Variants in B4GALNT2 observed in about 807,000 individuals in gnomAD.
B4GALNT2 encodes beta-1,4-N-acetyl-galactosaminyltransferase 2 (SID blood group).
Under a neutral mutation model 51.1 loss-of-function variants are expected in B4GALNT2, and 42 were observed. The ratio of observed to expected loss-of-function variants is 0.82; its 90% CI spans 0.64 to 1.06. The LOEUF is 1.06. Ranked by LOEUF, B4GALNT2 falls within the 50% of genes least tolerant of loss-of-function variation. The pLI is 0.00. For synonymous variants in B4GALNT2, 253 were observed against 251.7 expected (o/e 1.01, Z -0.05); for missense variants, 602 against 633.6 (o/e 0.95, Z 0.54).
chr17:49,155,070 G>A (rs73336394), intron 4 of B4GALNT2, among the ~76,000 whole-genome samples: 28,358 of 151,752 alleles, frequency 0.19, 3,227 homozygotes, highest in African/African-American at 0.3. Flanking sequence ...ACCACTTTGG[G>A]GGCTGAGGCG....
At chr17:49,155,956 T>C (rs2144317606) in intron 4 of B4GALNT2, among the ~76,000 whole-genome samples, 1 of 152,190 alleles carries the variant, frequency 6.6e-6, no homozygotes. Flanking sequence ...CTCGATCTCC[T>C]GACCTCGTGA....
At position 49,145,597 on chromosome 17, in the gene B4GALNT2, G is replaced by GT. The variant is rs896435082; in HGVS notation, c.353+3433dup. Among the ~76,000 whole-genome samples the GT allele has an allele frequency of 3.9e-5, 6 of 152,026 alleles. No individual in the cohort carries two copies. In the South Asian group the frequency reaches 1.0e-3, roughly 26 times the overall value. ...TTCAGCAAGCACCTCAGCAGGTAAT[G>GT]TTTTTTTTCCTGGTGGAGTGACCCA... is the stretch of plus-strand genomic sequence containing the variant. On this transcript the variant is annotated intron_variant, in intron 3 of 10. Transcript: ENST00000393354.
rs2042941326 is a variant in B4GALNT2, at chr17:49,169,509, C to T, written c.1316-14C>T. 6.2e-7 allele frequency: 1 copy of T among 1,607,636 alleles called. No homozygotes were observed. The highest frequency in any genetic ancestry group is 1.1e-5 in the South Asian group (1 of 90,964). ...CGCAGCTCCCACTTCCTTCTGCTCT[C>T]CCTCTCTTTGCAGAATTCTTCATTG... On this transcript the variant is annotated splice_polypyrimidine_tract_variant and intron_variant, in intron 10 of 10. Coordinates refer to ENST00000393354, the MANE Select transcript of B4GALNT2 (RefSeq NM_001159387.2).
intron 1 of B4GALNT2, among the ~76,000 whole-genome samples, chr17:49,139,674 G>A (rs1458685418): frequency 6.6e-6 from 1 of 152,060 alleles, no homozygotes; most frequent in Non-Finnish European, 1.5e-5. Flanking sequence ...ATGCCACGGT[G>A]CTTGGCTATT....
At chr17:49,124,989 C>G in the B4GALNT2 span, among the ~76,000 whole-genome samples, 6 of 152,202 alleles carry the variant, frequency 3.9e-5, no homozygotes, top group Admixed American at 2.0e-4. Context: ...CAACTAAAAA[C>G]AATTCTTTAA....
Position 49,164,245 on chromosome 17 carries a change from C to G in B4GALNT2, c.924C>G (p.His308Gln), listed in dbSNP as rs774318200. Reference protein sequence around the residue: ...SQKPLEIKDNHVEYYTMPFGK... With the variant: ...SQKPLEIKDNQVEYYTMPFGK... ...AGCCCCTGGAAATTAAAGACAATCA[C>G]GTGGAGTATTACACTATGCCCTTTG... Residue 308 changes from histidine to glutamine, a missense_variant, in exon 8 of 11, where the codon CAC (histidine) becomes CAG (glutamine). Transcript: ENST00000393354. 3.1e-6 allele frequency: 5 copies of G among 1,613,028 alleles called. No individual in the cohort carries two copies. Among genetic ancestry groups the G allele is most frequent in the Admixed American group, 3.3e-5 (2 of 60,012 alleles).
chr17:49,125,671 C>T, the B4GALNT2 span, among the ~76,000 whole-genome samples: 26 of 133,464 alleles, frequency 1.9e-4, no homozygotes, highest in Non-Finnish European at 2.9e-4. Context: ...GGAGCGTCTC[C>T]GCCCTGTGGC....
intron 6 of B4GALNT2, among the ~76,000 whole-genome samples, chr17:49,159,449 C>T (rs1415548075): frequency 6.6e-6 from 1 of 152,194 alleles, no homozygotes; most frequent in Non-Finnish European, 1.5e-5. Flanking sequence ...TCAAGTTATT[C>T]TCCTGCCTCA....
chr17:49,140,919 A>G (rs576323197), intron 1 of B4GALNT2, among the ~76,000 whole-genome samples: 7 of 151,774 alleles, frequency 4.6e-5, no homozygotes, highest in African/African-American at 1.7e-4. Flanking sequence ...GGGTTTCACC[A>G]TGTTGGCCAG....
At chr17:49,137,432 CACTT>C (rs2042600968) in intron 1 of B4GALNT2, among the ~76,000 whole-genome samples, 1 of 152,118 alleles carries the variant, frequency 6.6e-6, no homozygotes, top group Non-Finnish European at 1.5e-5. Context: ...CACATGCACT[CACTT>C]GTTTTTCCAC....
At chr17:49,153,366 G>A (rs535044203) in intron 4 of B4GALNT2, among the ~76,000 whole-genome samples, 44 of 151,456 alleles carry the variant, frequency 2.9e-4, no homozygotes, top group Non-Finnish European at 6.2e-4. Flanking sequence ...AGTGAGCAGA[G>A]ATTGTGCCAC....
intron 3 of B4GALNT2, among the ~76,000 whole-genome samples, chr17:49,150,187 G>C (rs1290404859): frequency 1.5e-5 from 2 of 136,096 alleles, no homozygotes; most frequent in African/African-American, 5.6e-5. Context: ...CGCCCCGTCC[G>C]GGAGGGAGGT....
At chr17:49,156,510 G>A (rs1426308306) in intron 4 of B4GALNT2, 56 bp from the exon 5 acceptor site, 2 of 1,587,770 alleles carry the variant, frequency 1.3e-6, no homozygotes. Context: ...GAGAGCAGCG[G>A]GGAGCTGCGA....
Position 49,140,867 on chromosome 17 carries a change from C to A in B4GALNT2, c.15-380C>A, listed in dbSNP as rs554545870. Among the ~76,000 whole-genome samples the A allele has an allele frequency of 9.1e-4, 139 of 152,042 alleles. 1 individual carries two copies. The highest frequency in any genetic ancestry group is 3.2e-3 in the African/African-American group (132 of 41,466). ...CCAAGTAGCTGGCACTACAGGCACA[C>A]GCCACCATGCCCAGCTAATTTTTGT... On this transcript the variant is annotated intron_variant, in intron 1 of 10. Transcript: ENST00000393354.
chr17:49,159,203 A>G lies in B4GALNT2; in HGVS notation c.665A>G (p.Gln222Arg), dbSNP rs2042839867. The change falls in exon 6 of 11, where the codon CAG (glutamine) becomes CGG (arginine). Residue 222 changes from glutamine to arginine, a missense_variant. Transcript: ENST00000393354. Reference sequence around the variant, plus strand: ...TACACCAGCACGGGGTACCAGCACCAGAAGGTAGACATAGGTGAGAGCCTG... The same window carrying G: ...TACACCAGCACGGGGTACCAGCACCGGAAGGTAGACATAGGTGAGAGCCTG... ...VTYTSTGYQH[Q>R]KVDIVSLESR... 9 of 1,614,068 alleles carry G rather than the reference A, an allele frequency of 5.6e-6. No homozygotes were observed. The highest frequency in any genetic ancestry group is 7.6e-6 in the Non-Finnish European group (9 of 1,180,032).
In B4GALNT2 at chr17:49,170,497, A is replaced by C. The variant is rs2042951072; in HGVS notation, c.*769A>C. ...GAGCCCATGCCAAGGCATGATGGTG[A>C]ACAGACAGTGTGAGTGTGGTGACAA... On this transcript the variant is annotated 3_prime_UTR_variant, in exon 11 of 11. Coordinates refer to ENST00000393354, the MANE Select transcript of B4GALNT2 (RefSeq NM_001159387.2). 1 of 152,294 alleles carries C rather than the reference A, an allele frequency of 6.6e-6. No homozygotes were observed. Among genetic ancestry groups the C allele is most frequent in the Admixed American group, 6.5e-5 (1 of 15,288 alleles). 9.4% of individuals were successfully genotyped at this position (152,294 alleles called of 1,614,324 possible). A position where few individuals can be genotyped will look rare whatever the true frequency, so the allele number is the denominator to read the frequency against.
chr17:49,158,932 C>G (rs1327703028), intron 5 of B4GALNT2, 105 bp from the exon 6 acceptor site: 1 of 1,332,248 alleles, frequency 7.5e-7, no homozygotes, highest in African/African-American at 1.5e-5. Context: ...CTCCCCTCAC[C>G]CTTATGTGCT....
chr17:49,161,693 G>A (rs2042866599), intron 7 of B4GALNT2, among the ~76,000 whole-genome samples: 1 of 150,902 alleles, frequency 6.6e-6, no homozygotes, highest in Non-Finnish European at 1.5e-5. Flanking sequence ...AAAAAAACCT[G>A]TAGTTAATTT....
upstream of B4GALNT2, among the ~76,000 whole-genome samples, chr17:49,129,967 A>T (rs532162147): frequency 6.6e-6 from 1 of 152,216 alleles, no homozygotes; most frequent in Non-Finnish European, 1.5e-5. Context: ...TCTGTCACTC[A>T]GGGTAGCAGC....
Sources: allele counts gnomAD v4.1 joint callset (sites outside exome capture counted in the v4.1 genomes callset), GRCh38; gene constraint gnomAD v4.1.1; transcripts MANE v1.5; gene names NCBI Gene and HGNC (gene_info 2026-07-23, HGNC 2026-07-21).